The following PCDHGA2 variants were observed in gnomAD, a reference collection of about 807,000 sequenced individuals.
PCDHGA2 encodes protocadherin gamma-A2.
A neutral mutation model predicts 59.2 loss-of-function variants in PCDHGA2; 40 were observed. The observed-to-expected ratio is 0.68, with a 90% CI of 0.52 to 0.88. The LOEUF (loss-of-function observed/expected upper bound fraction) is 0.88, where lower values mean the gene tolerates loss of function less well. Among genes scored for constraint, PCDHGA2 ranks in the 40% least tolerant of loss-of-function variants. The pLI is 0.00. For synonymous variants in PCDHGA2, 560 were observed against 526.0 expected (o/e 1.06, Z -0.89); for missense variants, 1,226 against 1,204.0 (o/e 1.02, Z -0.27).
At chr5:141,411,783 G>C (rs1191623081) in intron 1 of PCDHGA2, 1 of 152,338 alleles carries the variant, frequency 6.6e-6, no homozygotes, top group Non-Finnish European at 1.5e-5. Context: ...TCTGGTGGCT[G>C]TGGTGGGAGA....
chr5:141,361,135 C>T (rs535070372), intron 1 of PCDHGA2: 3 of 1,613,388 alleles, frequency 1.9e-6, no homozygotes, highest in Non-Finnish European at 2.5e-6. Context: ...CTGCAGTATC[C>T]AAGTTGAAAT....
In PCDHGA2 at chr5:141,383,778, T is replaced by C. The variant is rs764919264; in HGVS notation, c.2424+42383T>C. 5 of 1,613,886 alleles carry C rather than the reference T, an allele frequency of 3.1e-6. No individual in the cohort carries two copies. In the African/African-American group the frequency reaches 6.7e-5, roughly 22 times the overall value. ...CTCCTAAACTTCCAAAGATGTTTCA[T>C]CTGAACTCGCTTACAGGAGAAATAT... On this transcript the variant is annotated intron_variant, in intron 1 of 3. Coordinates refer to ENST00000394576, the MANE Select transcript of PCDHGA2 (RefSeq NM_018915.4).
At chr5:141,393,211 T>G (rs1310978287) in intron 1 of PCDHGA2, 3 of 1,613,502 alleles carry the variant, frequency 1.9e-6, no homozygotes, top group Non-Finnish European at 1.7e-6. Flanking sequence ...AACCCAAAAT[T>G]CCAGGTCGAA....
intron 1 of PCDHGA2, chr5:141,405,408 TTTTTTTG>T (rs2094659443): frequency 2.5e-6 from 4 of 1,572,390 alleles, no homozygotes; most frequent in African/African-American, 1.4e-5. Flanking sequence ...CTTTCTTTTC[TTTTTTTG>T]TTTTTTGTTT....
At chr5:141,370,349 G>C (rs371382232) in intron 1 of PCDHGA2, 27 of 1,496,692 alleles carry the variant, frequency 1.8e-5, no homozygotes, top group Non-Finnish European at 2.3e-5. Context: ...ATTATTTAAA[G>C]ATCTCCTCTC....
At chr5:141,467,571 A>G (rs1228156610) in intron 1 of PCDHGA2, among the ~76,000 whole-genome samples, 1 of 152,212 alleles carries the variant, frequency 6.6e-6, no homozygotes, top group South Asian at 2.1e-4. Flanking sequence ...ATGGCTATCC[A>G]GTTGTCCCAA....
intron 1 of PCDHGA2, chr5:141,375,369 C>T (rs759826011): frequency 6.2e-7 from 1 of 1,613,892 alleles, no homozygotes; most frequent in South Asian, 1.1e-5. Flanking sequence ...GACAAAGGAA[C>T]ACCACCTCTG....
At chr5:141,428,187 C>G in intron 1 of PCDHGA2, 3 of 1,439,502 alleles carry the variant, frequency 2.1e-6, no homozygotes, top group South Asian at 1.2e-5. Flanking sequence ...GGACAGCCGC[C>G]GCTCTCTGCG....
chr5:141,408,380 G>T, intron 1 of PCDHGA2: 1 of 1,614,028 alleles, frequency 6.2e-7, no homozygotes, highest in East Asian at 2.2e-5. Context: ...CAGTGTCCTG[G>T]ATGTGTCGGC....
intron 1 of PCDHGA2, chr5:141,410,361 G>A: frequency 1.9e-6 from 3 of 1,614,034 alleles, no homozygotes; most frequent in Non-Finnish European, 2.5e-6. Context: ...CGCTCTCTCA[G>A]CCCTGCTACT....
intron 1 of PCDHGA2, chr5:141,408,761 G>A (rs1469424988): frequency 8.7e-6 from 14 of 1,610,446 alleles, no homozygotes; most frequent in Non-Finnish European, 1.2e-5. Flanking sequence ...AGTTAATTCC[G>A]ATGGTGGCAA....
chr5:141,344,464 AACT>A, intron 1 of PCDHGA2: 1 of 1,613,906 alleles, frequency 6.2e-7, no homozygotes, highest in South Asian at 1.1e-5. Context: ...AAAATTGGTG[AACT>A]AACGGTTCCT....
chr5:141,346,997 TCTCCTTCCTTCCTTCCTCTCTCTTTC>T (rs1757838910), intron 1 of PCDHGA2, among the ~76,000 whole-genome samples: 1 of 151,470 alleles, frequency 6.6e-6, no homozygotes, highest in Non-Finnish European at 1.5e-5. Flanking sequence ...TTTTTTTCTT[TCTCCTTCCTTCCTTCCTCTCTCTTTC>T]CTCCTTCCTT....
intron 1 of PCDHGA2, among the ~76,000 whole-genome samples, chr5:141,444,646 G>T (rs1023259048): frequency 1.3e-5 from 2 of 152,098 alleles, no homozygotes; most frequent in Non-Finnish European, 2.9e-5. Flanking sequence ...TGAGGTAGGG[G>T]TTGAAGTTAT....
Position 141,489,273 on chromosome 5 carries a change from G to GA in PCDHGA2, c.2425-5531dup. The GA allele has an allele frequency of 6.4e-7, 1 of 1,555,870 alleles. No individual in the cohort carries two copies. The highest frequency in any genetic ancestry group is 2.2e-5 in the East Asian group (1 of 44,466). On this transcript the variant is annotated intron_variant, in intron 1 of 3. Coordinates refer to ENST00000394576, the MANE Select transcript of PCDHGA2 (RefSeq NM_018915.4). The surrounding 1 kb of genome is among the most constrained non-coding windows in gnomAD (Gnocchi z 4.5). ...CCAAGACACTCCCACAGCTCGCTGG[G>GA]AAATGGCAAGTGCTGTGCATGTTGT...
intron 1 of PCDHGA2, chr5:141,394,811 C>T (rs1225635250): frequency 6.2e-7 from 1 of 1,613,888 alleles, no homozygotes; most frequent in African/African-American, 1.3e-5. Flanking sequence ...CCGTGGCTGA[C>T]AGCATCCCCG....
intron 1 of PCDHGA2, chr5:141,423,665 G>A: frequency 6.6e-7 from 1 of 1,512,226 alleles, no homozygotes; most frequent in Non-Finnish European, 8.9e-7. Flanking sequence ...AATCAGGTGA[G>A]ATTTATTTCT....
At position 141,483,010 on chromosome 5, in the gene PCDHGA2, G is replaced by A. The variant is rs574078222; in HGVS notation, c.2425-11797G>A. Among the ~76,000 whole-genome samples the A allele has an allele frequency of 1.3e-3, 204 of 152,122 alleles. 1 individual carries two copies. Among genetic ancestry groups the A allele is most frequent in the African/African-American group, 4.0e-3 (168 of 41,498 alleles). On this transcript the variant is annotated intron_variant, in intron 1 of 3. Coordinates refer to ENST00000394576, the MANE Select transcript of PCDHGA2 (RefSeq NM_018915.4). Reference sequence around the variant, plus strand: ...CGAGGCAGGAGAATTGCTTGAACCCGGGAGGCAGAGGTTGCAATGAGCTGG... The same window carrying A: ...CGAGGCAGGAGAATTGCTTGAACCCAGGAGGCAGAGGTTGCAATGAGCTGG...
intron 1 of PCDHGA2, chr5:141,376,286 A>T: frequency 6.2e-7 from 1 of 1,614,174 alleles, no homozygotes; most frequent in Non-Finnish European, 8.5e-7. Flanking sequence ...CTTAGCGAGC[A>T]TGCCCGGCTC....
Sources: allele counts gnomAD v4.1 joint callset (sites outside exome capture counted in the v4.1 genomes callset), GRCh38; gene constraint gnomAD v4.1.1; non-coding constraint Gnocchi (gnomAD v3.1); transcripts MANE v1.5; gene names NCBI Gene and HGNC (gene_info 2026-07-23, HGNC 2026-07-21).